The following GPHN variants were observed in gnomAD, a reference collection of about 807,000 sequenced individuals.
The protein encoded by GPHN is gephyrin.
GPHN carries 17 observed loss-of-function variants against 95.5 expected under a neutral mutation model. The observed-to-expected ratio is 0.18, with a 90% CI of 0.12 to 0.27. GPHN has a LOEUF of 0.27. Ranked by LOEUF, GPHN falls within the 10% of genes least tolerant of loss-of-function variation. The pLI, the probability that GPHN is intolerant of heterozygous loss-of-function variation, is 1.00. For missense variants in GPHN, 660 were observed against 978.1 expected, an observed-to-expected ratio of 0.67 and a Z score of 4.34; for synonymous variants, 320 against 322.5, an observed-to-expected ratio of 0.99 and a Z score of 0.08.
intron 18 of GPHN, among the ~76,000 whole-genome samples, chr14:67,145,680 G>T (rs890962687): frequency 3.9e-5 from 6 of 152,118 alleles, no homozygotes; most frequent in African/African-American, 1.4e-4. Context: ...AAGAATTTAG[G>T]GTACCTCCAT....
intron 1 of GPHN, among the ~76,000 whole-genome samples, chr14:66,557,282 T>A (rs7151773): frequency 0.12 from 17,970 of 146,750 alleles, 2,010 homozygotes; most frequent in East Asian, 0.39. Flanking sequence ...GATAGATAGA[T>A]AGAATGAATT....
At chr14:67,106,726 A>G (rs1050926903) in intron 13 of GPHN, among the ~76,000 whole-genome samples, 7 of 151,858 alleles carry the variant, frequency 4.6e-5, no homozygotes, top group Non-Finnish European at 8.8e-5. Context: ...ATTTTGTTGA[A>G]TTATCGCTAG....
chr14:67,506,396 G>A, the GPHN span, among the ~76,000 whole-genome samples: 9 of 152,156 alleles, frequency 5.9e-5, no homozygotes. Context: ...GCAAAATTAA[G>A]TTGCTTGATG....
At chr14:67,183,345 T>C (rs558003405), downstream of GPHN, among the ~76,000 whole-genome samples, 5 of 152,278 alleles carry the variant, frequency 3.3e-5, no homozygotes, top group South Asian at 1.0e-3. Context: ...ATAAAACACA[T>C]TATGTAGAAC....
In GPHN at chr14:66,875,486, A is replaced by C. The variant is rs999800850; in HGVS notation, c.295-4453A>C. Among the ~76,000 whole-genome samples the C allele has an allele frequency of 4.0e-5, 6 of 151,330 alleles. No individual in the cohort carries two copies. The South Asian group carries it at 1.3e-3, about 32-fold the overall frequency. On this transcript the variant is annotated intron_variant, in intron 4 of 22. Transcript: ENST00000478722. ...CAAATTGGATAAAGAATCAAGACCCATTGATGTGCTGTATTCAGGAGACTG... is the reference window on the plus strand; with the variant it reads ...CAAATTGGATAAAGAATCAAGACCCCTTGATGTGCTGTATTCAGGAGACTG...
chr14:66,629,328 T>C (rs1354516506), intron 1 of GPHN, among the ~76,000 whole-genome samples: 1 of 151,202 alleles, frequency 6.6e-6, no homozygotes, highest in Non-Finnish European at 1.5e-5. Flanking sequence ...TGTTAAAAAT[T>C]AAGACACAAA....
the GPHN span, among the ~76,000 whole-genome samples, chr14:67,398,636 C>A: frequency 1.5e-5 from 2 of 131,778 alleles, no homozygotes; most frequent in African/African-American, 6.6e-5. Flanking sequence ...CCTAAACGAC[C>A]CTTCTCTTTA....
At chr14:67,390,718 C>T in the GPHN span, 72 of 1,613,522 alleles carry the variant, frequency 4.5e-5, 1 homozygote, top group African/African-American at 5.3e-5. Flanking sequence ...AACAAAGCGA[C>T]GCACCTTCCA....
chr14:67,578,396 T>C, the GPHN span: 1,421 of 771,536 alleles, frequency 1.8e-3, 2 homozygotes, highest in Non-Finnish European at 2.5e-3. This position sits in a 1 kb window ranked among gnomAD's most constrained non-coding sequence, Gnocchi z 5.0. Flanking sequence ...CCTGACCAAG[T>C]TGGCCATCCC....
At chr14:67,382,130 C>G in the GPHN span, among the ~76,000 whole-genome samples, 4 of 152,126 alleles carry the variant, frequency 2.6e-5, no homozygotes, top group South Asian at 8.3e-4. Context: ...GACAAATTAT[C>G]CATTATACTG....
At chr14:66,606,507 C>CA (rs2062543395) in intron 1 of GPHN, among the ~76,000 whole-genome samples, 1 of 151,824 alleles carries the variant, frequency 6.6e-6, no homozygotes, top group Non-Finnish European at 1.5e-5. Context: ...TCTAATTTTG[C>CA]AAAAAATGAT....
At chr14:66,859,596 CCAGGAAAACATCACCT>C (rs2062945685) in intron 4 of GPHN, among the ~76,000 whole-genome samples, 1 of 152,074 alleles carries the variant, frequency 6.6e-6, no homozygotes, top group Admixed American at 6.6e-5. Flanking sequence ...TCACGATCAC[CCAGGAAAACATCACCT>C]CACACTACAA....
At chr14:67,446,658 C>T in the GPHN span, among the ~76,000 whole-genome samples, 5 of 152,174 alleles carry the variant, frequency 3.3e-5, no homozygotes, top group South Asian at 2.1e-4. Flanking sequence ...GCCCATTCAA[C>T]GTGACATGGC....
At chr14:67,667,720 G>A in the GPHN span, among the ~76,000 whole-genome samples, 9 of 152,200 alleles carry the variant, frequency 5.9e-5, no homozygotes, top group South Asian at 4.1e-4. Context: ...CGAGGCGGGC[G>A]GATCACGAGG....
At chr14:66,543,840 A>G (rs1417221249) in intron 1 of GPHN, among the ~76,000 whole-genome samples, 1 of 152,164 alleles carries the variant, frequency 6.6e-6, no homozygotes, top group Non-Finnish European at 1.5e-5. Context: ...CACCTGGATT[A>G]CTATAGTAAC....
intron 9 of GPHN, among the ~76,000 whole-genome samples, chr14:66,990,084 TG>T (rs1262921373): frequency 9.9e-5 from 15 of 152,090 alleles, no homozygotes; most frequent in African/African-American, 3.4e-4. Context: ...CTTACAATCA[TG>T]GCGGAAGGTG....
At chr14:66,835,281 T>A (rs1401016320) in intron 4 of GPHN, among the ~76,000 whole-genome samples, 1 of 149,662 alleles carries the variant, frequency 6.7e-6, no homozygotes, top group Admixed American at 6.7e-5. Flanking sequence ...TTTTAGTTAT[T>A]TCTTGCCTTC....
At position 66,902,241 on chromosome 14, in the gene GPHN, A is replaced by T. The variant is rs569848789; in HGVS notation, c.390-13762A>T. Among the ~76,000 whole-genome samples the T allele has an allele frequency of 2.0e-5, 3 of 152,124 alleles. No individual in the cohort carries two copies. The South Asian group carries it at 6.2e-4, about 32-fold the overall frequency. ...ATTTTGTGTCCTGTAACTATATTGA[A>T]TTTGTTTATCAATTCCAACAGTGTT... On this transcript the variant is annotated intron_variant, in intron 5 of 22. Coordinates refer to ENST00000478722, the MANE Select transcript of GPHN (RefSeq NM_020806.5).
At chr14:66,695,924 A>G (rs2068074154) in intron 2 of GPHN, among the ~76,000 whole-genome samples, 1 of 152,210 alleles carries the variant, frequency 6.6e-6, no homozygotes, top group African/African-American at 2.4e-5. Flanking sequence ...TGATACTACA[A>G]TGAAGGAAAC....
Sources: gnomAD v4.1 joint callset for allele counts (sites outside exome capture counted in the v4.1 genomes callset) on GRCh38, gnomAD v4.1.1 for gene constraint, Gnocchi (gnomAD v3.1) non-coding constraint, MANE v1.5 for transcripts, NCBI Gene and HGNC (gene_info 2026-07-23, HGNC 2026-07-21) for gene names.